Variants in LNPEP observed in about 807,000 individuals in gnomAD.
The protein encoded by LNPEP is leucyl-cystinyl aminopeptidase.
Under a neutral mutation model 120.6 loss-of-function variants are expected in LNPEP, and 64 were observed. The ratio of observed to expected loss-of-function variants is 0.53; its 90% CI spans 0.43 to 0.65. LNPEP has a LOEUF of 0.65. Among genes scored for constraint, LNPEP ranks in the 30% least tolerant of loss-of-function variants. LNPEP has a pLI of 0.00. For synonymous variants in LNPEP, 435 were observed against 425.4 expected, an observed-to-expected ratio of 1.02 and a Z score of -0.28; for missense variants, 1,057 against 1,200.0, an observed-to-expected ratio of 0.88 and a Z score of 1.76.
chr5:97,000,643 T>C (rs1265732337), intron 8 of LNPEP, among the ~76,000 whole-genome samples: 1 of 152,200 alleles, frequency 6.6e-6, no homozygotes. Context: ...GTCACAACTT[T>C]CTGGAGGAAT....
At chr5:97,011,068 G>T (rs1790913172) in intron 11 of LNPEP, 1 of 985,264 alleles carries the variant, frequency 1.0e-6, no homozygotes, top group South Asian at 4.7e-5. Context: ...TTTACAACAT[G>T]GCAAGCTGCT....
intron 2 of LNPEP, among the ~76,000 whole-genome samples, chr5:96,981,564 G>GT (rs767149742): frequency 6.6e-6 from 1 of 152,174 alleles, no homozygotes; most frequent in Admixed American, 6.5e-5. Flanking sequence ...CCATTAAATA[G>GT]TTAACGAGTA....
intron 3 of LNPEP, among the ~76,000 whole-genome samples, chr5:96,986,171 C>A (rs1456574995): frequency 7.2e-5 from 11 of 152,172 alleles, no homozygotes; most frequent in Admixed American, 7.2e-4. Context: ...AGAGCTCCTT[C>A]TGTGGATGTA....
At chr5:97,016,872 G>A (rs1791079829) in intron 13 of LNPEP, among the ~76,000 whole-genome samples, 1 of 152,130 alleles carries the variant, frequency 6.6e-6, no homozygotes, top group African/African-American at 2.4e-5. Context: ...GTGTAGTAAA[G>A]AGATTGGCCA....
At chr5:96,969,436 A>C (rs1302742531) in intron 1 of LNPEP, among the ~76,000 whole-genome samples, 1 of 152,064 alleles carries the variant, frequency 6.6e-6, no homozygotes, top group Non-Finnish European at 1.5e-5. Context: ...TGGCTAAATA[A>C]TTTTGTGTTT....
rs369453829 is a variant in LNPEP, at chr5:97,019,296, A to G, written c.2377-3004A>G. 3.3e-5 allele frequency among the ~76,000 whole-genome samples: 5 copies of G among 152,174 alleles called. No homozygotes were observed. In the East Asian group the frequency reaches 7.7e-4, roughly 23 times the overall value. On this transcript the variant is annotated intron_variant, in intron 13 of 17. Transcript: ENST00000231368. ...TTGTTGAAAGAGCTTAAATTTCAAA[A>G]AAATTAATTTGGATCCTTAGAAAAA...
intron 4 of LNPEP, among the ~76,000 whole-genome samples, chr5:96,992,729 A>G (rs958380945): frequency 2.0e-5 from 3 of 148,148 alleles, no homozygotes; most frequent in African/African-American, 7.4e-5. Flanking sequence ...ATAAGTTGCT[A>G]TAAGATGACC....
At chr5:96,958,253 T>A (rs1304274570) in intron 1 of LNPEP, among the ~76,000 whole-genome samples, 1 of 152,252 alleles carries the variant, frequency 6.6e-6, no homozygotes, top group Non-Finnish European at 1.5e-5. Context: ...GTCTAGACTT[T>A]CAATTTTTTT....
In LNPEP at chr5:96,996,501, A is replaced by G; in HGVS notation, c.1519A>G (p.Ser507Gly). The change falls in exon 7 of 18, where the codon AGT becomes GGT. Residue 507 changes from serine to glycine, a missense_variant and splice_region_variant. By Grantham distance (56) the Ser-to-Gly change is moderately conservative. Transcript: ENST00000231368. ...SLEKIFKELS[S>G]YEDFLDARFK... ...GGAAAAAATATTCAAAGAGCTTTCT[A>G]GTGTAAGTACAGGGTTTCTTTGGCC... is the stretch of plus-strand genomic sequence containing the variant. The G allele has an allele frequency of 1.3e-6, 2 of 1,506,978 alleles. No homozygotes were observed. Among genetic ancestry groups the G allele is most frequent in the Non-Finnish European group, 1.8e-6 (2 of 1,083,228 alleles). 93.4% of individuals were successfully genotyped at this position (1,506,978 alleles called of 1,614,324 possible).
intron 1 of LNPEP, among the ~76,000 whole-genome samples, chr5:96,970,079 A>C (rs1789825440): frequency 1.3e-5 from 2 of 151,798 alleles, no homozygotes. Context: ...CAGTCTTTTG[A>C]AGTTGATTGT....
chr5:97,023,583 A>T (rs747128807), intron 14 of LNPEP, among the ~76,000 whole-genome samples: 1 of 152,044 alleles, frequency 6.6e-6, no homozygotes, highest in Non-Finnish European at 1.5e-5. Flanking sequence ...AGGCTGAATA[A>T]TTTTCCATTG....
chr5:96,964,787 G>A (rs1789687843), intron 1 of LNPEP, among the ~76,000 whole-genome samples: 3 of 152,034 alleles, frequency 2.0e-5, no homozygotes, highest in African/African-American at 7.2e-5. Flanking sequence ...TTGCAGAGCT[G>A]AATTCATTAT....
rs115318332 is a variant in LNPEP at position 97,001,862 on chromosome 5, G to T, written c.1654-1553G>T. On this transcript the variant is annotated intron_variant, in intron 8 of 17. Transcript: ENST00000231368. ...GACCTTGATAAAAATACTTCCGGCC[G>T]GGCATGGTAGCTCACGCCTGTAATC... Among the ~76,000 whole-genome samples, 352 of 152,270 alleles carry T rather than the reference G, an allele frequency of 2.3e-3. 1 individual carries two copies. The highest frequency in any genetic ancestry group is 8.1e-3 in the African/African-American group (335 of 41,550).
chr5:96,997,942 C>A (rs1287634932), intron 7 of LNPEP, 72 bp from the exon 8 acceptor site: 55 of 1,098,458 alleles, frequency 5.0e-5, no homozygotes, highest in Non-Finnish European at 6.7e-5. Flanking sequence ...TAGTCTAATT[C>A]ACATAAATAA....
chr5:96,938,117 G>A (rs1443425323), intron 1 of LNPEP, among the ~76,000 whole-genome samples: 1 of 152,172 alleles, frequency 6.6e-6, no homozygotes, highest in South Asian at 2.1e-4. Flanking sequence ...GATGGACAGG[G>A]TATTTATTTG....
chr5:97,017,578 G>A (rs1791096033), intron 13 of LNPEP, among the ~76,000 whole-genome samples: 1 of 151,956 alleles, frequency 6.6e-6, no homozygotes, highest in East Asian at 1.9e-4. Flanking sequence ...TGATCCATCT[G>A]GAATTGATTT....
intron 1 of LNPEP, among the ~76,000 whole-genome samples, chr5:96,949,913 G>A (rs1050385511): frequency 1.3e-5 from 2 of 151,976 alleles, no homozygotes; most frequent in African/African-American, 2.4e-5. Flanking sequence ...CTATCCTTCC[G>A]TCCTCCTTCC....
At chr5:96,986,754 T>C in intron 4 of LNPEP, 84 bp downstream of exon 4, 2 of 1,236,010 alleles carry the variant, frequency 1.6e-6, no homozygotes, top group Non-Finnish European at 2.3e-6. Flanking sequence ...TGGTATTTGC[T>C]GTGTGAAATA....
intron 13 of LNPEP, among the ~76,000 whole-genome samples, chr5:97,017,489 A>C (rs926593251): frequency 1.3e-5 from 2 of 152,012 alleles, no homozygotes; most frequent in African/African-American, 4.8e-5. Context: ...AATCTAGCTT[A>C]TGAAATCTTT....
Sources: allele counts gnomAD v4.1 joint callset (sites outside exome capture counted in the v4.1 genomes callset), GRCh38; gene constraint gnomAD v4.1.1; transcripts MANE v1.5; gene names NCBI Gene and HGNC (gene_info 2026-07-23, HGNC 2026-07-21).